Variants in ATRNL1 observed in about 807,000 individuals in gnomAD.
ATRNL1 encodes attractin-like protein 1.
Under a neutral mutation model 182.7 loss-of-function variants are expected in ATRNL1, and 95 were observed. The observed-to-expected ratio is 0.52, with a 90% CI of 0.44 to 0.62. ATRNL1 has a LOEUF of 0.62. Ranked by LOEUF, ATRNL1 falls within the 20% of genes least tolerant of loss-of-function variation. The probability of loss-of-function intolerance (pLI) is 0.00; values close to 1 mark genes in which losing one functional copy is unlikely to be tolerated. For synonymous variants in ATRNL1, 576 were observed against 568.3 expected (o/e 1.01, Z -0.19); for missense variants, 1,471 against 1,679.5 (o/e 0.88, Z 2.17).
intron 1 of ATRNL1, among the ~76,000 whole-genome samples, chr10:115,117,522 C>T (rs1317631103): frequency 1.3e-5 from 2 of 152,120 alleles, no homozygotes; most frequent in Non-Finnish European, 1.5e-5. Context: ...CGTTTTGTTG[C>T]AAATGACTGA....
intron 26 of ATRNL1, among the ~76,000 whole-genome samples, chr10:115,594,870 A>G (rs1259535638): frequency 2.6e-5 from 4 of 152,306 alleles, no homozygotes; most frequent in Admixed American, 2.6e-4. Flanking sequence ...TGTGGCTCCA[A>G]GTCAAACAGA....
chr10:115,893,802 A>G (rs1197809820), intron 28 of ATRNL1, among the ~76,000 whole-genome samples: 1 of 152,188 alleles, frequency 6.6e-6, no homozygotes, highest in African/African-American at 2.4e-5. Flanking sequence ...CACGCAAACA[A>G]TAATTTCTGT....
At chr10:115,432,029 TATG>T (rs1554964084) in intron 21 of ATRNL1, among the ~76,000 whole-genome samples, 2 of 152,110 alleles carry the variant, frequency 1.3e-5, no homozygotes, top group Admixed American at 6.5e-5. Context: ...CCAATACAAA[TATG>T]ATGTGAGCCT....
chr10:115,726,138 T>A (rs4491139), intron 26 of ATRNL1, among the ~76,000 whole-genome samples: 1 of 151,964 alleles, frequency 6.6e-6, no homozygotes, highest in Admixed American at 6.5e-5. Context: ...ATAAATAAAC[T>A]TGTGTTTAAA....
chr10:115,836,140 A>T (rs1950666241), intron 27 of ATRNL1, among the ~76,000 whole-genome samples: 1 of 152,204 alleles, frequency 6.6e-6, no homozygotes. Context: ...TGATCACAGA[A>T]TTCCCATAAC....
At chr10:115,099,463 C>T (rs569643034) in intron 1 of ATRNL1, among the ~76,000 whole-genome samples, 1 of 152,260 alleles carries the variant, frequency 6.6e-6, no homozygotes, top group Non-Finnish European at 1.5e-5. Context: ...CTGAGAATGG[C>T]TGGATCATAT....
intron 26 of ATRNL1, among the ~76,000 whole-genome samples, chr10:115,553,859 GATAA>G (rs1293663245): frequency 2.6e-5 from 4 of 151,508 alleles, no homozygotes; most frequent in Admixed American, 6.6e-5. Context: ...CTGACGCAGT[GATAA>G]ATAGATTCTC....
chr10:115,802,789 A>G (rs139612309), intron 27 of ATRNL1, among the ~76,000 whole-genome samples: 99 of 152,338 alleles, frequency 6.5e-4, no homozygotes, highest in African/African-American at 2.3e-3. Flanking sequence ...GAAGCCTATA[A>G]GGCTAATCCA....
At chr10:115,526,867 C>A (rs1265368911) in intron 25 of ATRNL1, among the ~76,000 whole-genome samples, 1 of 152,070 alleles carries the variant, frequency 6.6e-6, no homozygotes, top group Non-Finnish European at 1.5e-5. Context: ...GTGAAAGAGC[C>A]TGAGAATGCA....
rs138965919 is a variant in ATRNL1 at position 115,418,383 on chromosome 10, G to A, written c.3270-7867G>A. ...AAAGAATTAGTGAGTTCAAAGGTAG[G>A]CTATTTGAGAACATAGTCAGAGGTG... On this transcript the variant is annotated intron_variant, in intron 20 of 28. Coordinates refer to ENST00000355044, the MANE Select transcript of ATRNL1 (RefSeq NM_207303.4). Among the ~76,000 whole-genome samples, 39 of 152,200 alleles carry A rather than the reference G, an allele frequency of 2.6e-4. 1 individual carries two copies. In the East Asian group the frequency reaches 7.1e-3, roughly 28 times the overall value.
intron 25 of ATRNL1, among the ~76,000 whole-genome samples, chr10:115,544,642 C>A (rs1424721882): frequency 6.6e-6 from 1 of 152,118 alleles, no homozygotes; most frequent in Non-Finnish European, 1.5e-5. Flanking sequence ...TTTCCCCTGA[C>A]CCGAATACCA....
intron 28 of ATRNL1, among the ~76,000 whole-genome samples, chr10:115,928,894 G>A (rs1357706584): frequency 6.6e-6 from 1 of 151,924 alleles, no homozygotes; most frequent in Non-Finnish European, 1.5e-5. Context: ...TTAGAAACAT[G>A]TCCTTTAAAT....
chr10:115,617,424 A>T (rs1927479), intron 26 of ATRNL1, among the ~76,000 whole-genome samples: 1 of 151,722 alleles, frequency 6.6e-6, no homozygotes, highest in Non-Finnish European at 1.5e-5. Context: ...CAGTGGTGCA[A>T]TTGCGGCTCA....
At chr10:115,856,183 C>T (rs569108685) in intron 28 of ATRNL1, among the ~76,000 whole-genome samples, 2 of 152,044 alleles carry the variant, frequency 1.3e-5, no homozygotes, top group African/African-American at 4.8e-5. Flanking sequence ...AATCCCAGCA[C>T]TTTGGGAGGC....
At chr10:115,334,797 C>A (rs1554936217) in intron 19 of ATRNL1, among the ~76,000 whole-genome samples, 1 of 152,020 alleles carries the variant, frequency 6.6e-6, no homozygotes, top group African/African-American at 2.4e-5. Flanking sequence ...GTTTAACTTA[C>A]ATCAGGTAAG....
chr10:115,744,980 G>A (rs1365323937), intron 27 of ATRNL1, among the ~76,000 whole-genome samples: 4 of 152,076 alleles, frequency 2.6e-5, no homozygotes, highest in Non-Finnish European at 5.9e-5. Context: ...TTCTACAAGT[G>A]TGTGCAGTCA....
At chr10:115,720,437 A>C (rs1175847379) in intron 26 of ATRNL1, among the ~76,000 whole-genome samples, 2 of 150,934 alleles carry the variant, frequency 1.3e-5, no homozygotes, top group Non-Finnish European at 3.0e-5. Flanking sequence ...TACTTGTAAA[A>C]GTAAGGTATA....
rs375690170 is a variant in ATRNL1 at position 115,561,669 on chromosome 10, C to CTGTGTGTG, written c.3795+12146_3795+12153dup. Among the ~76,000 whole-genome samples, 655 of 141,556 alleles carry CTGTGTGTG rather than the reference C, an allele frequency of 4.6e-3. 12 individuals are homozygous for CTGTGTGTG. The highest frequency in any genetic ancestry group is 0.019 in the Admixed American group (274 of 14,258). The allele number at this position is 141,556 out of a possible 152,430, so 92.9% of individuals were successfully genotyped here. A position where few individuals can be genotyped will look rare whatever the true frequency, so the allele number is the denominator to read the frequency against. On this transcript the variant is annotated intron_variant, in intron 26 of 28. Transcript: ENST00000355044. ...CTCCTGCAGATACCGAGGGACAACTCTGTGTGTGTGTGTGTGTGTGGGTGT... is the reference window on the plus strand; with the variant it reads ...CTCCTGCAGATACCGAGGGACAACTCTGTGTGTGTGTGTGTGTGTGTGTGTGTGGGTGT...
chr10:115,659,484 A>T (rs12246295), intron 26 of ATRNL1, among the ~76,000 whole-genome samples: 1,768 of 152,210 alleles, frequency 0.012, 36 homozygotes, highest in African/African-American at 0.04. Flanking sequence ...TGGGCCCACA[A>T]GGAAAATATA....
Sources: allele counts gnomAD v4.1 joint callset (sites outside exome capture counted in the v4.1 genomes callset), GRCh38; gene constraint gnomAD v4.1.1; transcripts MANE v1.5; gene names NCBI Gene and HGNC (gene_info 2026-07-23, HGNC 2026-07-21).